Variants in RGL1 observed in about 807,000 individuals in gnomAD.
RGL1 encodes ral guanine nucleotide dissociation stimulator-like 1.
In RGL1, 24 loss-of-function variants were observed where a neutral mutation model predicts 95.2. The ratio of observed to expected loss-of-function variants is 0.25; its 90% CI spans 0.18 to 0.35. The LOEUF (loss-of-function observed/expected upper bound fraction) is 0.35. RGL1 is among the 10% of genes least tolerant of loss of function. The pLI is 1.00. For synonymous variants in RGL1, 329 were observed against 344.9 expected (o/e 0.95, Z 0.51); for missense variants, 715 against 936.3 (o/e 0.76, Z 3.08).
intron 2 of RGL1, among the ~76,000 whole-genome samples, chr1:183,814,825 A>G (rs971178905): frequency 6.6e-6 from 1 of 152,248 alleles, no homozygotes; most frequent in African/African-American, 2.4e-5. Context: ...TATTATGCCC[A>G]TAACTTCTGT....
At position 183,880,622 on chromosome 1, in the gene RGL1, C is replaced by A. The variant is rs148403741; in HGVS notation, c.432C>A (p.Ile144=). The A allele has an allele frequency of 2.5e-6, 4 of 1,613,508 alleles. No individual in the cohort carries two copies. The highest frequency in any genetic ancestry group is 3.4e-6 in the Non-Finnish European group (4 of 1,179,754). ...CTCCATTTGTCTTTCTCAGTGCAAT[C>A]GCTTCCATACTAAGGGCCTGGCTTG... is the stretch of plus-strand genomic sequence containing the variant. ...SESKMVIRNA[I]ASILRAWLDQ... The change falls in exon 5 of 18, where the codon ATC becomes ATA. Residue 144 remains isoleucine, a synonymous_variant. Transcript: ENST00000360851.
At chr1:183,826,261 G>T (rs983217406) in intron 2 of RGL1, among the ~76,000 whole-genome samples, 3 of 152,006 alleles carry the variant, frequency 2.0e-5, no homozygotes, top group African/African-American at 7.3e-5. Context: ...CAGCATGTTA[G>T]CCAAGATGGC....
chr1:183,804,235 G>A (rs975937598), upstream of RGL1, among the ~76,000 whole-genome samples: 1 of 151,402 alleles, frequency 6.6e-6, no homozygotes, highest in Admixed American at 6.6e-5. Context: ...AATTCATTTA[G>A]GGTGAATAGT....
chr1:183,696,718 C>CA (rs761139788), intron 1 of RGL1, among the ~76,000 whole-genome samples: 2 of 152,142 alleles, frequency 1.3e-5, no homozygotes, highest in African/African-American at 2.4e-5. Flanking sequence ...ATCTTTCCCC[C>CA]AAAAACTGTT....
At chr1:183,860,135 A>G (rs1665416476) in intron 3 of RGL1, among the ~76,000 whole-genome samples, 1 of 152,130 alleles carries the variant, frequency 6.6e-6, no homozygotes, top group Admixed American at 6.5e-5. Context: ...TTTATTAGAA[A>G]AGATTCCCAG....
chr1:183,805,971 C>CTTTTTTTTTTTTT (rs751229707), intron 1 of RGL1, among the ~76,000 whole-genome samples: 47 of 74,620 alleles, frequency 6.3e-4, no homozygotes, highest in East Asian at 9.5e-4. Context: ...CTTTTCTTTT[C>CTTTTTTTTTTTTT]TTTTTTTTTT....
chr1:183,736,128 C>T (rs1276396221), intron 1 of RGL1, among the ~76,000 whole-genome samples: 1 of 152,192 alleles, frequency 6.6e-6, no homozygotes, highest in Non-Finnish European at 1.5e-5. Context: ...ATATTATATA[C>T]ATGTATGTAA....
intron 1 of RGL1, among the ~76,000 whole-genome samples, chr1:183,722,479 A>G (rs888787715): frequency 2.6e-5 from 4 of 152,136 alleles, no homozygotes; most frequent in Admixed American, 1.3e-4. Flanking sequence ...CAGAGCTAAG[A>G]AACTCGGAAC....
intron 4 of RGL1, among the ~76,000 whole-genome samples, chr1:183,873,546 G>A (rs1466501973): frequency 2.6e-5 from 4 of 152,116 alleles, no homozygotes; most frequent in African/African-American, 4.8e-5. Flanking sequence ...GGAAGCCCAG[G>A]CATGCCATTT....
At chr1:183,709,852 G>C (rs530261579) in intron 1 of RGL1, 1 of 159,190 alleles carries the variant, frequency 6.3e-6, no homozygotes, top group Non-Finnish European at 1.4e-5. Flanking sequence ...GGGGGAATTG[G>C]GCTGGATGGG....
intron 1 of RGL1, among the ~76,000 whole-genome samples, chr1:183,733,332 T>C (rs1361834487): frequency 2.6e-5 from 4 of 152,164 alleles, no homozygotes; most frequent in Non-Finnish European, 5.9e-5. Context: ...AGATATGGCT[T>C]TGACTTTGTA....
In RGL1 at chr1:183,711,725, C is replaced by G. The variant is rs187051092; in HGVS notation, c.-32-30401C>G. ...TTTGGCAACTGTCTTGAGCTTAGCCCTGGTTGCCATAACTCATTAAGTTTC... is the reference window on the plus strand; with the variant it reads ...TTTGGCAACTGTCTTGAGCTTAGCCGTGGTTGCCATAACTCATTAAGTTTC... On this transcript the variant is annotated intron_variant, in intron 1 of 18. Transcript: ENST00000304685. 5.3e-5 allele frequency among the ~76,000 whole-genome samples: 8 copies of G among 151,400 alleles called. No individual in the cohort carries two copies. In the East Asian group the frequency reaches 1.6e-3, roughly 29 times the overall value.
chr1:183,772,119 A>G (rs1659312197), intron 2 of RGL1, among the ~76,000 whole-genome samples: 1 of 152,214 alleles, frequency 6.6e-6, no homozygotes, highest in Admixed American at 6.5e-5. Flanking sequence ...CTTCCACTCA[A>G]TAAAACTTTG....
In RGL1 at chr1:183,661,442, A is replaced by G. The variant is rs192063793; in HGVS notation, c.-33+24941A>G. Among the ~76,000 whole-genome samples the G allele has an allele frequency of 4.0e-3, 608 of 152,340 alleles. 5 individuals carry two copies. The highest frequency in any genetic ancestry group is 0.014 in the African/African-American group (576 of 41,564). On this transcript the variant is annotated intron_variant, in intron 1 of 18. Coordinates refer to the RGL1 transcript ENST00000304685. Reference sequence around the variant, plus strand: ...ATACTACAAACACCTCTATGCAAATAAACTAGAAAATCTAGAAGAAGTGGA... The same window carrying G: ...ATACTACAAACACCTCTATGCAAATGAACTAGAAAATCTAGAAGAAGTGGA...
intron 2 of RGL1, among the ~76,000 whole-genome samples, chr1:183,781,273 A>G (rs1014504272): frequency 6.6e-6 from 1 of 151,896 alleles, no homozygotes; most frequent in Non-Finnish European, 1.5e-5. Context: ...TTTTTTGGAG[A>G]GATCAATTTC....
At chr1:183,648,819 A>C in intron 1 of RGL1, 1 of 1,488,508 alleles carries the variant, frequency 6.7e-7, no homozygotes, top group Non-Finnish European at 9.0e-7. Context: ...AACCTAAACA[A>C]GGAAGAGAAA....
chr1:183,794,664 G>T (rs1660607175), intron 2 of RGL1, among the ~76,000 whole-genome samples: 2 of 152,104 alleles, frequency 1.3e-5, no homozygotes, highest in South Asian at 2.1e-4. Context: ...TGAACTATAT[G>T]GTCCACTTCT....
chr1:183,908,783 T>C lies in RGL1; in HGVS notation c.1562+1682T>C, dbSNP rs141229419. Among the ~76,000 whole-genome samples, 10 of 152,210 alleles carry C rather than the reference T, an allele frequency of 6.6e-5. No homozygotes were observed. In the East Asian group the frequency reaches 1.9e-3, roughly 29 times the overall value. On this transcript the variant is annotated intron_variant, in intron 14 of 17. Transcript: ENST00000360851. ...ACCCACTATGGCAGTCAGAGGTTCT[T>C]AAGGAAAAAAACAAAAATTCTCAAT...
chr1:183,925,659 TTC>T (rs1669573647), intron 17 of RGL1, among the ~76,000 whole-genome samples: 1 of 152,170 alleles, frequency 6.6e-6, no homozygotes, highest in African/African-American at 2.4e-5. Context: ...GCTGTAGATT[TTC>T]TGTTTTTTCT....
Sources: gnomAD v4.1 joint callset for allele counts (sites outside exome capture counted in the v4.1 genomes callset) on GRCh38, gnomAD v4.1.1 for gene constraint, MANE v1.5 for transcripts, NCBI Gene and HGNC (gene_info 2026-07-23, HGNC 2026-07-21) for gene names.